ADGRV1: variants seen among roughly 807,000 people sequenced by gnomAD.
ADGRV1 encodes adhesion G protein-coupled receptor V1.
In ADGRV1, 359 loss-of-function variants were observed where a neutral mutation model predicts 596.2. The observed-to-expected ratio is 0.60, with a 90% CI of 0.55 to 0.66. ADGRV1 has a LOEUF of 0.66. ADGRV1 is among the 30% of genes least tolerant of loss of function. The probability of loss-of-function intolerance (pLI) is 0.00; values close to 1 mark genes in which losing one functional copy is unlikely to be tolerated. For missense variants in ADGRV1, 7,274 were observed against 7,575.6 expected (o/e 0.96, Z 1.48); for synonymous variants, 2,681 against 2,679.2 (o/e 1.00, Z -0.02).
chr5:90,806,177 C>T (rs1005102303), intron 72 of ADGRV1, among the ~76,000 whole-genome samples: 1 of 152,138 alleles, frequency 6.6e-6, no homozygotes, highest in Non-Finnish European at 1.5e-5. Flanking sequence ...GGAATGAAAG[C>T]TAAGGTCCTA....
In ADGRV1 at chr5:90,821,420, A is replaced by G. The variant is rs1338722421; in HGVS notation, c.16197-2005A>G. ...TGAAGCCTTCTTCTCTCAGCTCGTG[A>G]AAGTCATTCTCCATCCAGCTTTGTT... On this transcript the variant is annotated intron_variant, in intron 75 of 89. Coordinates refer to ENST00000405460, the MANE Select transcript of ADGRV1 (RefSeq NM_032119.4). Among the ~76,000 whole-genome samples the G allele has an allele frequency of 7.5e-3, 1,143 of 151,750 alleles. 10 individuals are homozygous for G. The highest frequency in any genetic ancestry group is 0.026 in the African/African-American group (1,090 of 41,314).
chr5:90,799,580 T>C (rs1477424113), intron 70 of ADGRV1, among the ~76,000 whole-genome samples: 2 of 152,108 alleles, frequency 1.3e-5, no homozygotes, highest in African/African-American at 4.8e-5. Context: ...AAAAACTACC[T>C]TAAACTTCAT....
Position 90,590,055 on chromosome 5 carries a change from A to AT in ADGRV1, c.23-24776dup, listed in dbSNP as rs1211378682. 2.6e-5 allele frequency among the ~76,000 whole-genome samples: 4 copies of AT among 152,122 alleles called. No homozygotes were observed. In the East Asian group the frequency reaches 7.7e-4, roughly 29 times the overall value. ...AAACTCATTTAAAATATACCTTGAT[A>AT]TTTTATGATATGACTTCCCTTATTA... is the stretch of plus-strand genomic sequence containing the variant. On this transcript the variant is annotated intron_variant, in intron 1 of 89. Transcript: ENST00000405460.
intron 83 of ADGRV1, among the ~76,000 whole-genome samples, chr5:90,878,055 T>C (rs1348188371): frequency 6.6e-6 from 1 of 152,094 alleles, no homozygotes; most frequent in African/African-American, 2.4e-5. Context: ...CACAGGAAAA[T>C]ATTTGTGGTG....
At chr5:90,646,162 G>A (rs1289657023) in intron 16 of ADGRV1, 71 bp downstream of exon 16, 14 of 1,077,088 alleles carry the variant, frequency 1.3e-5, no homozygotes, top group East Asian at 6.0e-5. Context: ...ATATATGCAC[G>A]TGCATATATA....
In ADGRV1 at chr5:90,724,876, G is replaced by A. The variant is rs1561602672; in HGVS notation, c.9793G>A (p.Glu3265Lys). 1 of 1,613,086 alleles carries A rather than the reference G, an allele frequency of 6.2e-7. No homozygotes were observed. The change falls in exon 46 of 90, where the codon GAA (glutamate) becomes AAA (lysine). Residue 3265 changes from glutamate (E) to lysine (K), a missense_variant. By Grantham distance (56) the Glu-to-Lys change is moderately conservative. This residue lies in a region of ADGRV1 where 3,643 missense variants were observed against 3,809.2 expected (regional missense o/e 0.96). Transcript: ENST00000405460. ...VFSVFQSFLD[E>K]SASGWCFFTL... ...TTCCGTATTTCAAAGTTTTTTGGAT[G>A]AATCAGCTTCTGGCTGGTGTTTCTT... is the stretch of plus-strand genomic sequence containing the variant.
intron 52 of ADGRV1, 118 bp downstream of exon 52, chr5:90,745,913 T>G: frequency 1.6e-6 from 1 of 626,356 alleles, no homozygotes. Flanking sequence ...CCTCTCTCCC[T>G]TCCCTTTCCC....
At chr5:91,145,349 T>G (rs1795444038) in intron 87 of ADGRV1, among the ~76,000 whole-genome samples, 1 of 152,250 alleles carries the variant, frequency 6.6e-6, no homozygotes, top group South Asian at 2.1e-4. Context: ...GCATGGATTT[T>G]GTTTCCCGAT....
intron 83 of ADGRV1, among the ~76,000 whole-genome samples, chr5:90,869,214 A>G (rs909472066): frequency 1.3e-5 from 2 of 152,312 alleles, no homozygotes; most frequent in Non-Finnish European, 2.9e-5. Flanking sequence ...TGAAGAATGT[A>G]TAAGATTTGA....
intron 83 of ADGRV1, among the ~76,000 whole-genome samples, chr5:90,920,884 A>G (rs1773816904): frequency 6.6e-6 from 1 of 152,132 alleles, no homozygotes; most frequent in African/African-American, 2.4e-5. Flanking sequence ...GTCATTTTCT[A>G]TTTCTCATCT....
At chr5:90,606,001 C>G (rs188680382) in intron 1 of ADGRV1, among the ~76,000 whole-genome samples, 1 of 152,154 alleles carries the variant, frequency 6.6e-6, no homozygotes, top group Non-Finnish European at 1.5e-5. Flanking sequence ...TGTGACTTCA[C>G]TAAGTCTGAG....
chr5:91,014,175 C>CACACACA (rs56200811), intron 85 of ADGRV1, among the ~76,000 whole-genome samples: 1 of 143,616 alleles, frequency 7.0e-6, no homozygotes, highest in Non-Finnish European at 1.5e-5. Context: ...CACACACACA[C>CACACACA]CCCTAGACAT....
intron 89 of ADGRV1, among the ~76,000 whole-genome samples, chr5:91,155,671 G>T (rs897152851): frequency 2.0e-5 from 3 of 152,146 alleles, no homozygotes; most frequent in African/African-American, 7.2e-5. Context: ...CAATCATTGT[G>T]GGGGAGCAGA....
At chr5:90,794,588 A>C (rs1053422660) in intron 70 of ADGRV1, among the ~76,000 whole-genome samples, 2 of 152,178 alleles carry the variant, frequency 1.3e-5, no homozygotes, top group African/African-American at 4.8e-5. Context: ...TTATAAGAGC[A>C]TGTGGATAAA....
At chr5:91,109,060 T>C (rs1016094017) in intron 87 of ADGRV1, among the ~76,000 whole-genome samples, 3 of 152,212 alleles carry the variant, frequency 2.0e-5, no homozygotes, top group Admixed American at 2.0e-4. Flanking sequence ...GTATGTGTAA[T>C]ATTTTGCAAA....
chr5:90,886,475 T>C (rs1770295043), intron 83 of ADGRV1, among the ~76,000 whole-genome samples: 1 of 152,150 alleles, frequency 6.6e-6, no homozygotes, highest in South Asian at 2.1e-4. Flanking sequence ...TGAATCAGAA[T>C]CTCCTCAGGA....
chr5:90,609,122 A>G (rs1273695139), intron 1 of ADGRV1, among the ~76,000 whole-genome samples: 5 of 152,004 alleles, frequency 3.3e-5, no homozygotes, highest in African/African-American at 4.8e-5. Context: ...GAATACATAT[A>G]TTTCTGTATA....
chr5:91,083,004 G>A (rs571592575), intron 86 of ADGRV1, among the ~76,000 whole-genome samples: 25 of 152,162 alleles, frequency 1.6e-4, no homozygotes, highest in South Asian at 1.5e-3. Context: ...GAGGAGATCC[G>A]GAAATAAAGG....
At chr5:90,699,808 C>G (rs754478103) in intron 34 of ADGRV1, among the ~76,000 whole-genome samples, 2 of 152,058 alleles carry the variant, frequency 1.3e-5, no homozygotes, top group African/African-American at 4.8e-5. Context: ...AATATTGTAG[C>G]CTCGTCAGTT....
Sources: gnomAD v4.1 joint callset for allele counts (sites outside exome capture counted in the v4.1 genomes callset) on GRCh38, gnomAD v4.1.1 for gene constraint, gnomAD v4.1.1 regional missense constraint, MANE v1.5 for transcripts, NCBI Gene and HGNC (gene_info 2026-07-23, HGNC 2026-07-21) for gene names.